Variants in GLIS3 observed in about 807,000 individuals in gnomAD.
The protein encoded by GLIS3 is GLIS family zinc finger 3.
In GLIS3, 53 loss-of-function variants were observed where a neutral mutation model predicts 78.6. The observed-to-expected ratio is 0.67, with a 90% CI of 0.54 to 0.85. The LOEUF (loss-of-function observed/expected upper bound fraction) is 0.85, where lower values mean the gene tolerates loss of function less well. Among genes scored for constraint, GLIS3 ranks in the 40% least tolerant of loss-of-function variants. The probability of loss-of-function intolerance (pLI) is 0.00; values close to 1 mark genes in which losing one functional copy is unlikely to be tolerated. For synonymous variants in GLIS3, 684 were observed against 509.9 expected (o/e 1.34, Z -4.60); for missense variants, 1,703 against 1,231.1 (o/e 1.38, Z -5.74).
the GLIS3 span, among the ~76,000 whole-genome samples, chr9:4,413,261 G>C: frequency 1.3e-5 from 2 of 152,308 alleles, no homozygotes; most frequent in African/African-American, 4.8e-5. Context: ...AATTAAATGA[G>C]ATTGTATATG....
the GLIS3 span, among the ~76,000 whole-genome samples, chr9:4,372,847 G>A: frequency 6.6e-6 from 1 of 152,100 alleles, no homozygotes; most frequent in African/African-American, 2.4e-5. Context: ...TGCCACTTTG[G>A]CAGGTATTAC....
intron 4 of GLIS3, among the ~76,000 whole-genome samples, chr9:3,994,128 C>T (rs1266124898): frequency 6.6e-6 from 1 of 152,178 alleles, no homozygotes; most frequent in African/African-American, 2.4e-5. Flanking sequence ...TTGAGAACTG[C>T]TGTTCCAAAG....
chr9:4,455,609 C>G, the GLIS3 span, among the ~76,000 whole-genome samples: 4,102 of 152,060 alleles, frequency 0.027, 194 homozygotes, highest in African/African-American at 0.093. Flanking sequence ...TTTCTCCAGT[C>G]GCTTATGCAA....
the GLIS3 span, among the ~76,000 whole-genome samples, chr9:4,397,710 CAGGGAGGGAGGGAGGG>C: frequency 4.1e-4 from 2 of 4,882 alleles, no homozygotes; most frequent in African/African-American, 5.6e-4. Context: ...GGGAGGAAGG[CAGGGAGGGAGGGAGGG>C]AGGGAGGAAA....
chr9:4,115,817 C>T (rs1831594070), intron 4 of GLIS3, among the ~76,000 whole-genome samples: 1 of 152,078 alleles, frequency 6.6e-6, no homozygotes, highest in African/African-American at 2.4e-5. Context: ...TAAATAAATG[C>T]TTTGTGGTCC....
At chr9:4,288,378 TAAAG>T (rs1828177212) in intron 1 of GLIS3, among the ~76,000 whole-genome samples, 1 of 152,178 alleles carries the variant, frequency 6.6e-6, no homozygotes, top group Non-Finnish European at 1.5e-5. Context: ...TTTTTTAAAA[TAAAG>T]AATTGTTCAA....
chr9:3,986,180 T>A (rs901020007), intron 4 of GLIS3, among the ~76,000 whole-genome samples: 1 of 152,254 alleles, frequency 6.6e-6, no homozygotes, highest in African/African-American at 2.4e-5. Context: ...ATTGCAGGCA[T>A]GCACTTTCTC....
At chr9:4,107,661 T>C (rs1451521472) in intron 4 of GLIS3, among the ~76,000 whole-genome samples, 1 of 152,094 alleles carries the variant, frequency 6.6e-6, no homozygotes, top group Non-Finnish European at 1.5e-5. Flanking sequence ...AAGAGTATCT[T>C]TCATCTCATT....
chr9:4,287,997 C>G (rs929871018), intron 1 of GLIS3, among the ~76,000 whole-genome samples: 1 of 152,118 alleles, frequency 6.6e-6, no homozygotes, highest in African/African-American at 2.4e-5. Context: ...CCATCTAGTT[C>G]CGGAAAACAC....
intron 2 of GLIS3, among the ~76,000 whole-genome samples, chr9:4,238,239 A>G (rs1180568880): frequency 6.6e-6 from 1 of 152,136 alleles, no homozygotes; most frequent in Non-Finnish European, 1.5e-5. Context: ...GAAGGCCAAA[A>G]GGAGGGAGGT....
At chr9:4,208,705 C>T (rs548626508) in intron 2 of GLIS3, among the ~76,000 whole-genome samples, 3 of 152,182 alleles carry the variant, frequency 2.0e-5, no homozygotes, top group African/African-American at 4.8e-5. Context: ...TGGTTGCTAG[C>T]GTTTAAAGAG....
At chr9:4,447,098 A>T in the GLIS3 span, among the ~76,000 whole-genome samples, 1 of 151,912 alleles carries the variant, frequency 6.6e-6, no homozygotes, top group Non-Finnish European at 1.5e-5. Flanking sequence ...CCTAGTCTGG[A>T]ATTCAGTGGC....
intron 4 of GLIS3, among the ~76,000 whole-genome samples, chr9:3,982,962 T>C (rs1351304522): frequency 6.6e-6 from 1 of 152,124 alleles, no homozygotes; most frequent in East Asian, 1.9e-4. Flanking sequence ...GTGAAGGACA[T>C]TGATTGAGGG....
intron 7 of GLIS3, among the ~76,000 whole-genome samples, chr9:3,883,791 T>C (rs1044100934): frequency 6.6e-6 from 1 of 152,216 alleles, no homozygotes; most frequent in African/African-American, 2.4e-5. Flanking sequence ...CTGGAACAAC[T>C]GATTAAGCAC....
chr9:4,160,519 AG>A (rs1366130755), intron 2 of GLIS3, among the ~76,000 whole-genome samples: 3 of 152,248 alleles, frequency 2.0e-5, no homozygotes, highest in Admixed American at 1.3e-4. Flanking sequence ...CATGCGATAC[AG>A]GCCTTACTGC....
intron 2 of GLIS3, among the ~76,000 whole-genome samples, chr9:4,193,921 T>G (rs1472550142): frequency 6.6e-6 from 1 of 152,264 alleles, no homozygotes; most frequent in Non-Finnish European, 1.5e-5. Context: ...ACCAATCATG[T>G]GGTAAGCGTG....
the GLIS3 span, among the ~76,000 whole-genome samples, chr9:4,395,351 TTTTC>T: frequency 6.6e-6 from 1 of 152,106 alleles, no homozygotes; most frequent in African/African-American, 2.4e-5. Flanking sequence ...GCTGACATGA[TTTTC>T]TTTTTCTCCC....
intron 2 of GLIS3, among the ~76,000 whole-genome samples, chr9:4,233,428 T>A (rs1392853850): frequency 1.3e-5 from 2 of 152,318 alleles, no homozygotes; most frequent in East Asian, 3.9e-4. Flanking sequence ...TCCTTGTACA[T>A]CTCCATCAGA....
chr9:4,477,697 A>G, the GLIS3 span, among the ~76,000 whole-genome samples: 1 of 152,108 alleles, frequency 6.6e-6, no homozygotes, highest in African/African-American at 2.4e-5. Context: ...TACAGGCATG[A>G]GCCACCACTC....
Sources: allele counts gnomAD v4.1 joint callset (sites outside exome capture counted in the v4.1 genomes callset), GRCh38; gene constraint gnomAD v4.1.1; transcripts MANE v1.5; gene names NCBI Gene and HGNC (gene_info 2026-07-23, HGNC 2026-07-21).